Variants in PCCA observed in about 807,000 individuals in gnomAD.
PCCA encodes the protein propionyl-CoA carboxylase subunit alpha.
Under a neutral mutation model 101.3 loss-of-function variants are expected in PCCA, and 74 were observed. The observed-to-expected ratio is 0.73, with a 90% CI of 0.61 to 0.89. The LOEUF (loss-of-function observed/expected upper bound fraction) is 0.89, where lower values mean the gene tolerates loss of function less well. Among genes scored for constraint, PCCA ranks in the 40% least tolerant of loss-of-function variants. The pLI, the probability that PCCA is intolerant of heterozygous loss-of-function variation, is 0.00. For missense variants in PCCA, 891 were observed against 907.0 expected (o/e 0.98, Z 0.23); for synonymous variants, 294 against 313.6 (o/e 0.94, Z 0.66).
intron 18 of PCCA, among the ~76,000 whole-genome samples, chr13:100,366,555 A>G (rs2075176645): frequency 6.6e-6 from 1 of 152,156 alleles, no homozygotes; most frequent in South Asian, 2.1e-4. Flanking sequence ...TGCTAAGAAA[A>G]AAAAGAGGAA....
At chr13:100,417,228 C>T (rs529578017) in intron 19 of PCCA, among the ~76,000 whole-genome samples, 1 of 152,310 alleles carries the variant, frequency 6.6e-6, no homozygotes, top group East Asian at 1.9e-4. Flanking sequence ...AAATAGAGTA[C>T]ACTGAGATGA....
At chr13:100,501,639 C>T (rs932860251) in intron 21 of PCCA, among the ~76,000 whole-genome samples, 4 of 152,018 alleles carry the variant, frequency 2.6e-5, no homozygotes, top group South Asian at 2.1e-4. Context: ...TTTGGGAGGC[C>T]GAGGCGGGTG....
chr13:100,223,209 A>G lies in PCCA; in HGVS notation c.601-12633A>G, dbSNP rs146310536. Among the ~76,000 whole-genome samples, 1,124 of 152,234 alleles carry G rather than the reference A, an allele frequency of 7.4e-3. 3 individuals carry two copies. The highest frequency in any genetic ancestry group is 0.054 in the Middle Eastern group (16 of 294). On this transcript the variant is annotated intron_variant, in intron 7 of 23. Transcript: ENST00000376285. ...TAACATGCCACAGATCCTGCTTTCA[A>G]AGAGCTTAAAGCCTTCTGTGTCCGG...
At chr13:100,190,076 C>G (rs935980965) in intron 6 of PCCA, among the ~76,000 whole-genome samples, 2 of 152,156 alleles carry the variant, frequency 1.3e-5, no homozygotes, top group African/African-American at 4.8e-5. Context: ...TAACTAGAAT[C>G]TAGCCTCCTC....
intron 21 of PCCA, among the ~76,000 whole-genome samples, chr13:100,467,032 A>G (rs1423492022): frequency 6.6e-6 from 1 of 152,142 alleles, no homozygotes; most frequent in Non-Finnish European, 1.5e-5. Context: ...TATGTTTGTC[A>G]TTCTCATTGA....
At chr13:100,151,252 G>A (rs2053276850) in intron 4 of PCCA, among the ~76,000 whole-genome samples, 1 of 152,184 alleles carries the variant, frequency 6.6e-6, no homozygotes. Context: ...GGTAATAGTT[G>A]ATGCTAGTAA....
At chr13:100,359,147 G>C (rs1392276308) in intron 18 of PCCA, among the ~76,000 whole-genome samples, 1 of 150,512 alleles carries the variant, frequency 6.6e-6, no homozygotes, top group Admixed American at 6.6e-5. Flanking sequence ...AAAAAAAAAT[G>C]GAAGACAGCC....
intron 4 of PCCA, among the ~76,000 whole-genome samples, chr13:100,142,374 G>A (rs1038633953): frequency 6.6e-5 from 10 of 151,922 alleles, no homozygotes; most frequent in African/African-American, 9.7e-5. Flanking sequence ...GCCAGGTAGG[G>A]TGTCTTTAAC....
chr13:100,529,540 C>G (rs1197063031), intron 23 of PCCA, among the ~76,000 whole-genome samples: 1 of 152,166 alleles, frequency 6.6e-6, no homozygotes, highest in Non-Finnish European at 1.5e-5. Context: ...TCCACCCACC[C>G]ATGGTGCTGG....
In PCCA at chr13:100,105,902, G is replaced by T. The variant is rs959841059; in HGVS notation, c.183+2942G>T. 2.1e-4 allele frequency among the ~76,000 whole-genome samples: 32 copies of T among 149,430 alleles called. 1 individual carries two copies. Among genetic ancestry groups the T allele is most frequent in the Admixed American group, 1.7e-3 (26 of 14,942 alleles). Reference sequence around the variant, plus strand: ...AGAAAAGAAAAGGAAAAAAAGAAACGGGCTGTCATTGAGGAAGTTTGTGGT... The same window carrying T: ...AGAAAAGAAAAGGAAAAAAAGAAACTGGCTGTCATTGAGGAAGTTTGTGGT... On this transcript the variant is annotated intron_variant, in intron 2 of 23. Transcript: ENST00000376285.
At chr13:100,302,466 T>C (rs995097362) in intron 13 of PCCA, among the ~76,000 whole-genome samples, 6 of 152,114 alleles carry the variant, frequency 3.9e-5, no homozygotes, top group Admixed American at 1.3e-4. Context: ...GAAGTGCATA[T>C]CTAGTAGCGT....
At chr13:100,256,181 A>G (rs2062062000) in intron 8 of PCCA, among the ~76,000 whole-genome samples, 1 of 151,982 alleles carries the variant, frequency 6.6e-6, no homozygotes, top group African/African-American at 2.4e-5. Context: ...TAAGTTTTGT[A>G]TTTTTAGTAG....
rs2053231896 is a variant in PCCA at position 100,150,896 on chromosome 13, CA to C, written c.301-4080del. Reference sequence around the variant, plus strand: ...AACTGGGCGTTTTCGGCCACCACGGCAAACACGAATCCTATATATAACGTAA... The same window carrying C: ...AACTGGGCGTTTTCGGCCACCACGGCAACACGAATCCTATATATAACGTAA... On this transcript the variant is annotated intron_variant, in intron 4 of 23. Coordinates refer to ENST00000376285, the MANE Select transcript of PCCA (RefSeq NM_000282.4). The C allele has an allele frequency of 2.6e-6, 4 of 1,552,496 alleles. No individual in the cohort carries two copies. In the African/African-American group the frequency reaches 4.1e-5, roughly 16 times the overall value.
chr13:100,271,961 C>G (rs1178607715), intron 11 of PCCA, among the ~76,000 whole-genome samples: 1 of 152,140 alleles, frequency 6.6e-6, no homozygotes, highest in Non-Finnish European at 1.5e-5. Context: ...CATAATAAAG[C>G]TTTTATAGCA....
chr13:100,476,252 T>C (rs1296992170), intron 21 of PCCA, among the ~76,000 whole-genome samples: 2 of 152,246 alleles, frequency 1.3e-5, no homozygotes, highest in Non-Finnish European at 2.9e-5. Flanking sequence ...ACTACTAATA[T>C]TTTTTATACA....
rs376451313 is a variant in PCCA, at chr13:100,301,628, A to G, written c.1209+25A>G. The G allele has an allele frequency of 2.5e-6, 4 of 1,613,610 alleles. No individual in the cohort carries two copies. The African/African-American group carries it at 5.3e-5, about 22-fold the overall frequency. ...GGTAAAATGAATGGTGTTGGGAGGA[A>G]GGATGGTGGTTATGTCCAGAGTCAT... On this transcript the variant is annotated intron_variant, in intron 13 of 23. Transcript: ENST00000376285.
At chr13:100,357,019 A>C (rs78208854) in intron 18 of PCCA, among the ~76,000 whole-genome samples, 1 of 152,228 alleles carries the variant, frequency 6.6e-6, no homozygotes, top group African/African-American at 2.4e-5. Context: ...TCGAAAGTAC[A>C]TAACAGTTGC....
chr13:100,142,721 G>A (rs57152015), intron 4 of PCCA, among the ~76,000 whole-genome samples: 121 of 152,228 alleles, frequency 7.9e-4, no homozygotes, highest in African/African-American at 2.2e-3. Flanking sequence ...TGATCCACCC[G>A]CCTCGGCCTC....
intron 22 of PCCA, chr13:100,527,273 C>T (rs1199763337): frequency 8.5e-6 from 4 of 473,114 alleles, no homozygotes; most frequent in Non-Finnish European, 1.8e-5. Flanking sequence ...TCAGCAGTGA[C>T]TCCCCTTCCC....
Sources: gnomAD v4.1 joint callset for allele counts (sites outside exome capture counted in the v4.1 genomes callset) on GRCh38, gnomAD v4.1.1 for gene constraint, MANE v1.5 for transcripts, NCBI Gene and HGNC (gene_info 2026-07-23, HGNC 2026-07-21) for gene names.